The following GRID2 variants were observed in gnomAD, a reference collection of about 807,000 sequenced individuals.
GRID2 encodes the protein glutamate ionotropic receptor delta type subunit 2.
Under a neutral mutation model 114.8 loss-of-function variants are expected in GRID2, and 33 were observed. The ratio of observed to expected loss-of-function variants is 0.29; its 90% CI spans 0.22 to 0.38. The LOEUF (loss-of-function observed/expected upper bound fraction) is 0.38. Ranked by LOEUF, GRID2 falls within the 10% of genes least tolerant of loss-of-function variation. The pLI is 1.00. For missense variants in GRID2, 1,184 were observed against 1,257.7 expected, an observed-to-expected ratio of 0.94 and a Z score of 0.89; for synonymous variants, 505 against 449.9, an observed-to-expected ratio of 1.12 and a Z score of -1.55.
chr4:92,453,550 C>G (rs532747550), intron 1 of GRID2, among the ~76,000 whole-genome samples: 4 of 152,106 alleles, frequency 2.6e-5, no homozygotes, highest in African/African-American at 7.2e-5. Context: ...GAAACATATT[C>G]GTTGTGTTAC....
chr4:93,349,971 A>G (rs781681483), intron 8 of GRID2, among the ~76,000 whole-genome samples: 2 of 152,120 alleles, frequency 1.3e-5, no homozygotes, highest in African/African-American at 4.8e-5. Flanking sequence ...GTTGATATTC[A>G]TAATCTGATA....
intron 5 of GRID2, among the ~76,000 whole-genome samples, chr4:93,215,591 A>C (rs1744114779): frequency 6.6e-6 from 1 of 152,088 alleles, no homozygotes; most frequent in Admixed American, 6.6e-5. Context: ...GGATTGATTA[A>C]ATGCCCAGAA....
rs1472811506 is a variant in GRID2 at position 92,645,338 on chromosome 4, A to C, written c.244+55052A>C. On this transcript the variant is annotated intron_variant, in intron 2 of 15. Transcript: ENST00000282020. ...GATTGCATCACTGCAATGGTGTTTA[A>C]CATGTTCCCCTTTTCTCCCTATATT... Among the ~76,000 whole-genome samples, 2 of 151,722 alleles carry C rather than the reference A, an allele frequency of 1.3e-5. 1 individual carries two copies. The highest frequency in any genetic ancestry group is 2.9e-5 in the Non-Finnish European group (2 of 67,852).
intron 2 of GRID2, among the ~76,000 whole-genome samples, chr4:92,696,992 A>C (rs180810349): frequency 7.9e-5 from 12 of 152,300 alleles, no homozygotes; most frequent in African/African-American, 2.9e-4. Context: ...AAAGCCTTGT[A>C]CCTTTCTCTC....
intron 2 of GRID2, among the ~76,000 whole-genome samples, chr4:92,908,234 T>C (rs1748105522): frequency 6.6e-6 from 1 of 152,184 alleles, no homozygotes; most frequent in Non-Finnish European, 1.5e-5. Flanking sequence ...AGTACTAGTT[T>C]CCTTTTACAT....
chr4:92,468,027 G>T (rs2149093291), intron 1 of GRID2, among the ~76,000 whole-genome samples: 1 of 150,810 alleles, frequency 6.6e-6, no homozygotes, highest in African/African-American at 2.4e-5. Context: ...ATGTGTATAT[G>T]AAAGAGTTTG....
chr4:92,820,289 A>G (rs1221447211), intron 2 of GRID2, among the ~76,000 whole-genome samples: 3 of 152,144 alleles, frequency 2.0e-5, no homozygotes, highest in African/African-American at 7.2e-5. Context: ...CTAAGAATTA[A>G]TATGTAGGCA....
chr4:93,253,998 C>T (rs1664397111), intron 8 of GRID2, among the ~76,000 whole-genome samples: 1 of 151,966 alleles, frequency 6.6e-6, no homozygotes, highest in South Asian at 2.1e-4. Context: ...TGTTAAATGT[C>T]TTTCTAGTAA....
chr4:92,848,856 G>C (rs1432372441), intron 2 of GRID2, among the ~76,000 whole-genome samples: 1 of 151,892 alleles, frequency 6.6e-6, no homozygotes, highest in Non-Finnish European at 1.5e-5. Context: ...CAGGGGTGTA[G>C]CTGGGTATAA....
intron 8 of GRID2, among the ~76,000 whole-genome samples, chr4:93,251,798 G>T (rs1748964395): frequency 6.6e-6 from 1 of 152,094 alleles, no homozygotes; most frequent in Non-Finnish European, 1.5e-5. Context: ...GTATGCTAAG[G>T]ATAATGGCCT....
At chr4:92,593,723 A>G (rs1304817537) in intron 2 of GRID2, among the ~76,000 whole-genome samples, 8 of 151,776 alleles carry the variant, frequency 5.3e-5, no homozygotes, top group Non-Finnish European at 1.2e-4. Context: ...CTATTTTGAG[A>G]TTATTCTTTT....
chr4:92,733,672 G>C (rs1409092153), intron 2 of GRID2, among the ~76,000 whole-genome samples: 2 of 152,064 alleles, frequency 1.3e-5, no homozygotes, highest in African/African-American at 4.8e-5. Flanking sequence ...ATTTCTAAGA[G>C]ACCAAGAACA....
chr4:92,422,565 C>T (rs1731957347), intron 1 of GRID2, among the ~76,000 whole-genome samples: 1 of 151,964 alleles, frequency 6.6e-6, no homozygotes, highest in Non-Finnish European at 1.5e-5. Context: ...GATGAAATCA[C>T]AGGGAATTGA....
intron 7 of GRID2, among the ~76,000 whole-genome samples, chr4:93,229,836 G>A (rs1745908052): frequency 6.6e-6 from 1 of 151,834 alleles, no homozygotes; most frequent in Admixed American, 6.6e-5. Flanking sequence ...GTGTACCTGA[G>A]CTTTATAATA....
intron 2 of GRID2, among the ~76,000 whole-genome samples, chr4:92,881,975 A>G (rs532002519): frequency 6.6e-6 from 1 of 152,070 alleles, no homozygotes; most frequent in Non-Finnish European, 1.5e-5. Context: ...ATACCTTTCA[A>G]TTTTCATTAT....
chr4:93,219,717 T>A (rs926365610), intron 6 of GRID2, among the ~76,000 whole-genome samples: 1 of 152,194 alleles, frequency 6.6e-6, no homozygotes, highest in Non-Finnish European at 1.5e-5. Context: ...ATGGTGTTTT[T>A]GCAACATATG....
At chr4:92,825,098 C>A (rs1741593174) in intron 2 of GRID2, among the ~76,000 whole-genome samples, 1 of 152,002 alleles carries the variant, frequency 6.6e-6, no homozygotes, top group African/African-American at 2.4e-5. Context: ...ATTTCCATGA[C>A]AGACACTTAG....
chr4:92,991,391 G>T (rs1294581869), intron 2 of GRID2, among the ~76,000 whole-genome samples: 1 of 152,126 alleles, frequency 6.6e-6, no homozygotes, highest in Non-Finnish European at 1.5e-5. Flanking sequence ...TCAAACTGAC[G>T]ATAAGTGTGA....
intron 9 of GRID2, among the ~76,000 whole-genome samples, chr4:93,415,087 A>G (rs959784689): frequency 3.9e-5 from 6 of 152,086 alleles, no homozygotes; most frequent in Admixed American, 2.6e-4. Flanking sequence ...TAATATTTTA[A>G]CAGAAATATG....
Sources: allele counts gnomAD v4.1 joint callset (sites outside exome capture counted in the v4.1 genomes callset), GRCh38; gene constraint gnomAD v4.1.1; transcripts MANE v1.5; gene names NCBI Gene and HGNC (gene_info 2026-07-23, HGNC 2026-07-21).